Variants in PTPRN2 observed in about 807,000 individuals in gnomAD.
The protein encoded by PTPRN2 is receptor-type tyrosine-protein phosphatase N2.
PTPRN2 carries 74 observed loss-of-function variants against 118.8 expected under a neutral mutation model. The ratio of observed to expected loss-of-function variants is 0.62; its 90% CI spans 0.52 to 0.76. PTPRN2 has a LOEUF of 0.76. Ranked by LOEUF, PTPRN2 falls within the 30% of genes least tolerant of loss-of-function variation. The pLI is 0.00. For missense variants in PTPRN2, 1,481 were observed against 1,394.4 expected (o/e 1.06, Z -0.99); for synonymous variants, 641 against 608.0 (o/e 1.05, Z -0.80).
At chr7:157,841,796 G>A (rs541607657) in intron 12 of PTPRN2, among the ~76,000 whole-genome samples, 27 of 152,150 alleles carry the variant, frequency 1.8e-4, no homozygotes, top group African/African-American at 5.8e-4. Flanking sequence ...TGCAGCGTTC[G>A]GGGTGCTGGG....
At chr7:158,005,590 G>C (rs1033203729) in intron 11 of PTPRN2, among the ~76,000 whole-genome samples, 4 of 152,224 alleles carry the variant, frequency 2.6e-5, no homozygotes, top group African/African-American at 9.6e-5. Context: ...TAGCTGCAGC[G>C]TTTTGCTGTC....
At position 157,578,128 on chromosome 7, in the gene PTPRN2, T is replaced by C; in HGVS notation, c.2509A>G (p.Ser837Gly). The C allele has an allele frequency of 6.2e-7, 1 of 1,610,852 alleles. No homozygotes were observed. Among genetic ancestry groups the C allele is most frequent in the Non-Finnish European group, 8.5e-7 (1 of 1,178,256 alleles). The change falls in exon 18 of 23, where the codon AGC becomes GGC. Residue 837 changes from serine (S) to glycine (G), a missense_variant. Coordinates refer to ENST00000389418, the MANE Select transcript of PTPRN2 (RefSeq NM_002847.5). Reference protein sequence around the residue: ...VADFWQMVWESGCVVIVMLTP... With the variant: ...VADFWQMVWEGGCVVIVMLTP... ...AGCATGACGATCACCACGCAGCCGC[T>C]CTCCCACACCATCTGCGGACAAAGA...
intron 13 of PTPRN2, among the ~76,000 whole-genome samples, chr7:157,657,241 ACACAC>A (rs1461301543): frequency 2.4e-5 from 3 of 127,152 alleles, no homozygotes; most frequent in Non-Finnish European, 1.7e-5. Flanking sequence ...CACACACACC[ACACAC>A]ATCACACATA....
intron 10 of PTPRN2, among the ~76,000 whole-genome samples, chr7:158,085,683 G>A (rs1353873520): frequency 9.2e-6 from 1 of 109,278 alleles, no homozygotes; most frequent in Non-Finnish European, 1.8e-5. Flanking sequence ...CCACACCCAT[G>A]ACACCCATCC....
At chr7:157,642,833 A>AAAAC (rs1196549595) in intron 14 of PTPRN2, among the ~76,000 whole-genome samples, 15 of 146,548 alleles carry the variant, frequency 1.0e-4, no homozygotes, top group African/African-American at 3.8e-4. Flanking sequence ...AAAAAAAAAA[A>AAAAC]AAAAAAAAAA....
At chr7:158,009,434 C>T (rs1805886278) in intron 11 of PTPRN2, among the ~76,000 whole-genome samples, 1 of 151,924 alleles carries the variant, frequency 6.6e-6, no homozygotes, top group African/African-American at 2.4e-5. Flanking sequence ...GCAAATGAAG[C>T]CGATTCAGCA....
intron 11 of PTPRN2, among the ~76,000 whole-genome samples, chr7:158,010,210 T>C (rs548305662): frequency 3.9e-5 from 6 of 152,294 alleles, no homozygotes; most frequent in African/African-American, 1.4e-4. Flanking sequence ...TTTCCTCCAC[T>C]ACCACGAGAT....
At chr7:157,699,837 T>A (rs1165926860) in intron 12 of PTPRN2, among the ~76,000 whole-genome samples, 1 of 152,202 alleles carries the variant, frequency 6.6e-6, no homozygotes, top group African/African-American at 2.4e-5. Flanking sequence ...AGCTGCCAAG[T>A]GGCCAACTGC....
chr7:158,152,776 G>C (rs1357856199), intron 6 of PTPRN2, among the ~76,000 whole-genome samples: 1 of 152,226 alleles, frequency 6.6e-6, no homozygotes, highest in Non-Finnish European at 1.5e-5. Flanking sequence ...GTTGGCAAAA[G>C]AGCAGACCAA....
chr7:158,466,117 T>A (rs1421802134), intron 2 of PTPRN2, among the ~76,000 whole-genome samples: 2 of 152,326 alleles, frequency 1.3e-5, no homozygotes, highest in African/African-American at 4.8e-5. Context: ...CATACATGCA[T>A]ACTGAGGTGG....
In PTPRN2 at chr7:158,292,715, A is replaced by C. The variant is rs193030885; in HGVS notation, c.277+24104T>G. 2.3e-3 allele frequency among the ~76,000 whole-genome samples: 353 copies of C among 152,340 alleles called. 1 individual carries two copies. The highest frequency in any genetic ancestry group is 4.1e-3 in the South Asian group (20 of 4,822). ...TGAATGCTACAGGCAATTGTAACAC[A>C]AGGTTAAGTATCTGTGTATCATCTA... On this transcript the variant is annotated intron_variant, in intron 3 of 22. Transcript: ENST00000389418.
chr7:158,341,706 C>T (rs1806845538), intron 2 of PTPRN2, among the ~76,000 whole-genome samples: 2 of 139,648 alleles, frequency 1.4e-5, no homozygotes, highest in Admixed American at 1.4e-4. Flanking sequence ...CTCACACCCA[C>T]ACTCTCACCA....
At chr7:158,224,619 A>G (rs1037935129) in intron 3 of PTPRN2, among the ~76,000 whole-genome samples, 2 of 152,222 alleles carry the variant, frequency 1.3e-5, no homozygotes, top group Non-Finnish European at 2.9e-5. Context: ...ATGCAAAACT[A>G]TAAAACTTTT....
At chr7:157,695,931 C>T (rs1462904596) in intron 12 of PTPRN2, among the ~76,000 whole-genome samples, 1 of 151,698 alleles carries the variant, frequency 6.6e-6, no homozygotes, top group Admixed American at 6.6e-5. Flanking sequence ...CCCATGCATA[C>T]TGGATCTTAG....
In PTPRN2 at chr7:158,062,737, G is replaced by A. The variant is rs1027680574; in HGVS notation, c.1723+18561C>T. 2.6e-5 allele frequency among the ~76,000 whole-genome samples: 4 copies of A among 152,220 alleles called. No individual in the cohort carries two copies. In the East Asian group the frequency reaches 5.8e-4, roughly 22 times the overall value. On this transcript the variant is annotated intron_variant, in intron 11 of 22. Transcript: ENST00000389418. Reference sequence around the variant, plus strand: ...CCAGGCCAGCAGCTGCGGAGGGTGTGCCGGTTCCCCCAGCAGTGCCAGCCC... The same window carrying A: ...CCAGGCCAGCAGCTGCGGAGGGTGTACCGGTTCCCCCAGCAGTGCCAGCCC...
rs1389097890 is a variant in PTPRN2, at chr7:157,992,925, CAG to C, written c.1723+88371_1723+88372del. Among the ~76,000 whole-genome samples the C allele has an allele frequency of 3.9e-5, 6 of 152,368 alleles. No individual in the cohort carries two copies. In the East Asian group the frequency reaches 1.2e-3, roughly 29 times the overall value. ...AAGGGGACACACAGACGCCAGGAGA[CAG>C]ACGCGTGGCGGCCGGGTCACTCCCA... On this transcript the variant is annotated intron_variant, in intron 11 of 22. Coordinates refer to ENST00000389418, the MANE Select transcript of PTPRN2 (RefSeq NM_002847.5).
intron 21 of PTPRN2, among the ~76,000 whole-genome samples, chr7:157,559,834 C>CCG (rs1295539300): frequency 6.6e-6 from 1 of 152,174 alleles, no homozygotes; most frequent in Non-Finnish European, 1.5e-5. Flanking sequence ...TGGCCCCCCC[C>CCG]GCCCCGTCTC....
intron 9 of PTPRN2, among the ~76,000 whole-genome samples, chr7:158,133,338 C>T (rs1328975648): frequency 2.6e-5 from 4 of 152,170 alleles, no homozygotes; most frequent in Non-Finnish European, 4.4e-5. Flanking sequence ...GCCTGGCCGC[C>T]GCTGAAGGTG....
At position 157,953,497 on chromosome 7, in the gene PTPRN2, A is replaced by G. The variant is rs908910373; in HGVS notation, c.1724-54760T>C. Among the ~76,000 whole-genome samples the G allele has an allele frequency of 2.0e-5, 3 of 152,168 alleles. No individual in the cohort carries two copies. The highest frequency in any genetic ancestry group is 4.4e-5 in the Non-Finnish European group (3 of 68,028). On this transcript the variant is annotated intron_variant, in intron 11 of 22. Coordinates refer to ENST00000389418, the MANE Select transcript of PTPRN2 (RefSeq NM_002847.5). The surrounding 1 kb of genome is among the most constrained non-coding windows in gnomAD (Gnocchi z 4.6). ...ACCTGCCCACCTTCTTCACACCATG[A>G]GGCTGCTGGCACGGGTGCCTTTGCT...
Sources: allele counts gnomAD v4.1 joint callset (sites outside exome capture counted in the v4.1 genomes callset), GRCh38; gene constraint gnomAD v4.1.1; non-coding constraint Gnocchi (gnomAD v3.1); transcripts MANE v1.5; gene names NCBI Gene and HGNC (gene_info 2026-07-23, HGNC 2026-07-21).